ITGA1: variants seen among roughly 807,000 people sequenced by gnomAD.
ITGA1 encodes integrin alpha-1.
In ITGA1, 85 loss-of-function variants were observed where a neutral mutation model predicts 145.9. That is an observed-to-expected ratio of 0.58 (90% CI 0.49 to 0.70). ITGA1 has a LOEUF of 0.70. Ranked by LOEUF, ITGA1 falls within the 30% of genes least tolerant of loss-of-function variation. ITGA1 has a pLI of 0.00. For synonymous variants in ITGA1, 520 were observed against 495.3 expected (o/e 1.05, Z -0.66); for missense variants, 1,351 against 1,418.7 (o/e 0.95, Z 0.77).
At chr5:52,805,620 A>C (rs567873689) in intron 1 of ITGA1, among the ~76,000 whole-genome samples, 3 of 152,300 alleles carry the variant, frequency 2.0e-5, no homozygotes, top group East Asian at 3.9e-4. Context: ...TAATTAAAAA[A>C]AAATGTTTTA....
intron 1 of ITGA1, among the ~76,000 whole-genome samples, chr5:52,838,864 A>C (rs2111734826): frequency 6.6e-6 from 1 of 152,322 alleles, no homozygotes; most frequent in African/African-American, 2.4e-5. Flanking sequence ...CAGGAGGCCG[A>C]GGCAGGCGGA....
At chr5:52,797,983 T>C (rs550436098) in intron 1 of ITGA1, among the ~76,000 whole-genome samples, 14 of 152,326 alleles carry the variant, frequency 9.2e-5, no homozygotes, top group Non-Finnish European at 1.9e-4. Context: ...AGAAAGATGA[T>C]CAAGGAGCAC....
Position 52,922,804 on chromosome 5 carries a change from A to G in ITGA1, c.2320A>G (p.Arg774Gly), listed in dbSNP as rs747883808. 6.2e-7 allele frequency: 1 copy of G among 1,612,988 alleles called. No homozygotes were observed. Among genetic ancestry groups the G allele is most frequent in the East Asian group, 2.2e-5 (1 of 44,866 alleles). ...LDKHDFQDSV[R>G]ITLDFNLTDP... ...CAAGCATGACTTTCAGGACTCTGTG[A>G]GAATAACGTTGGACTTTAATCTTAC... is the stretch of plus-strand genomic sequence containing the variant. Residue 774 changes from arginine to glycine, a missense_variant, in exon 18 of 29, where the codon AGA becomes GGA. Arg to Gly is a moderately radical substitution (Grantham distance 125, BLOSUM62 -2). Transcript: ENST00000282588.
At position 52,958,000 on chromosome 5, in the gene ITGA1, A is replaced by T. The variant is rs1751326825; in HGVS notation, c.*5549A>T. On this transcript the variant is annotated 3_prime_UTR_variant, in exon 29 of 29. Transcript: ENST00000282588. ...ATTTTAAAAACAAATCTTCCAAATG[A>T]CACCACAATGAAAGCCAGTTGTGGT... 6.6e-6 allele frequency: 1 copy of T among 152,230 alleles called. No individual in the cohort carries two copies. Among genetic ancestry groups the T allele is most frequent in the South Asian group, 2.1e-4 (1 of 4,836 alleles). The allele number at this position is 152,230 out of a possible 1,614,324, so 9.4% of individuals were successfully genotyped here.
chr5:52,834,546 A>AG (rs1561222345), intron 1 of ITGA1, among the ~76,000 whole-genome samples: 4 of 138,326 alleles, frequency 2.9e-5, no homozygotes, highest in African/African-American at 7.8e-5. Context: ...AAGAGAAAGA[A>AG]AGAGAAAGAG....
intron 1 of ITGA1, among the ~76,000 whole-genome samples, chr5:52,846,493 A>T (rs1749340371): frequency 6.6e-6 from 1 of 152,234 alleles, no homozygotes; most frequent in Non-Finnish European, 1.5e-5. Context: ...TAATCTTATG[A>T]CACCACCATT....
rs1469921383 is a variant in ITGA1 at position 52,957,338 on chromosome 5, T to G, written c.*4887T>G. ...TTCTTATGCCCCAAGATCTGCACCT[T>G]ACATCAGGCACCCGGGAATGCTTCT... On this transcript the variant is annotated 3_prime_UTR_variant, in exon 29 of 29. Coordinates refer to ENST00000282588, the MANE Select transcript of ITGA1 (RefSeq NM_181501.2). The G allele has an allele frequency of 6.6e-6, 1 of 152,116 alleles. No homozygotes were observed. The highest frequency in any genetic ancestry group is 1.5e-5 in the Non-Finnish European group (1 of 68,042). 9.4% of individuals were successfully genotyped at this position (152,116 alleles called of 1,614,324 possible). A position where few individuals can be genotyped will look rare whatever the true frequency, so the allele number is the denominator to read the frequency against.
At chr5:52,891,251 G>GTTTTTTTTTTTTT (rs1247320379) in intron 8 of ITGA1, among the ~76,000 whole-genome samples, 1 of 110,410 alleles carries the variant, frequency 9.1e-6, no homozygotes, top group Non-Finnish European at 1.9e-5. Context: ...ACCCAGCAAT[G>GTTTTTTTTTTTTT]TTTTTTTTTT....
At chr5:52,857,124 T>C (rs1022153389) in intron 2 of ITGA1, among the ~76,000 whole-genome samples, 1 of 152,146 alleles carries the variant, frequency 6.6e-6, no homozygotes, top group African/African-American at 2.4e-5. Flanking sequence ...TCAAAACAAA[T>C]CCTAGATTCA....
intron 18 of ITGA1, among the ~76,000 whole-genome samples, chr5:52,925,049 C>T (rs182556967): frequency 4.6e-5 from 7 of 152,302 alleles, no homozygotes; most frequent in Middle Eastern, 6.8e-3. Flanking sequence ...GAAAATTGTG[C>T]GTTCTTAAAA....
intron 19 of ITGA1, among the ~76,000 whole-genome samples, chr5:52,926,189 T>C (rs79353923): frequency 0.031 from 4,700 of 152,256 alleles, 280 homozygotes; most frequent in African/African-American, 0.11. Flanking sequence ...GTCTACTTTC[T>C]GTAAACTCAG....
In ITGA1 at chr5:52,799,405, C is replaced by T. The variant is rs373533557; in HGVS notation, c.61+10991C>T. Among the ~76,000 whole-genome samples the T allele has an allele frequency of 2.2e-4, 33 of 152,334 alleles. No individual in the cohort carries two copies. In the South Asian group the frequency reaches 4.1e-3, roughly 19 times the overall value. On this transcript the variant is annotated intron_variant, in intron 1 of 28. Transcript: ENST00000282588. ...TAAGCTCTTGCGACCCAACCCCCAA[C>T]CTAAACATTTCACAGGCTACTGGGC...
intron 3 of ITGA1, among the ~76,000 whole-genome samples, chr5:52,863,567 C>A (rs1212356638): frequency 1.3e-5 from 2 of 152,102 alleles, no homozygotes; most frequent in Non-Finnish European, 2.9e-5. Context: ...TATGGATTCC[C>A]CTCCATTTTC....
chr5:52,842,153 C>T (rs1338790441), intron 1 of ITGA1, among the ~76,000 whole-genome samples: 1 of 152,048 alleles, frequency 6.6e-6, no homozygotes, highest in Non-Finnish European at 1.5e-5. Context: ...AAAGAAGGCC[C>T]AACTTGTGAT....
intron 1 of ITGA1, chr5:52,804,068 ATTC>A (rs1184165814): frequency 4.8e-4 from 73 of 152,188 alleles, no homozygotes; most frequent in African/African-American, 1.6e-3. Flanking sequence ...CAAGAATACA[ATTC>A]TTACTAGATC....
At chr5:52,919,605 C>T (rs1413309441) in intron 16 of ITGA1, among the ~76,000 whole-genome samples, 1 of 152,130 alleles carries the variant, frequency 6.6e-6, no homozygotes, top group Non-Finnish European at 1.5e-5. Context: ...ATCTGTTTTT[C>T]TTGATTTGTT....
chr5:52,940,005 C>T (rs925296807), intron 26 of ITGA1, 61 bp downstream of exon 26: 5 of 987,576 alleles, frequency 5.1e-6, no homozygotes, highest in African/African-American at 3.2e-5. Context: ...TCATTTACCA[C>T]TTAGAATATG....
intron 14 of ITGA1, among the ~76,000 whole-genome samples, chr5:52,912,160 T>A (rs1393151448): frequency 7.0e-6 from 1 of 143,678 alleles, no homozygotes; most frequent in Non-Finnish European, 1.5e-5. Context: ...ATATGCTATA[T>A]ATAGCGTATC....
At chr5:52,861,379 T>C in intron 2 of ITGA1, 68 bp from the exon 3 acceptor site, 2 of 879,990 alleles carry the variant, frequency 2.3e-6, no homozygotes, top group Non-Finnish European at 3.7e-6. Flanking sequence ...TTAAAATCAG[T>C]CATAAAACAA....
Sources: allele counts gnomAD v4.1 joint callset (sites outside exome capture counted in the v4.1 genomes callset), GRCh38; gene constraint gnomAD v4.1.1; transcripts MANE v1.5; gene names NCBI Gene and HGNC (gene_info 2026-07-23, HGNC 2026-07-21).